Variants in ADAMTSL1 observed in about 807,000 individuals in gnomAD.
The protein encoded by ADAMTSL1 is ADAMTS like 1.
In ADAMTSL1, 126 loss-of-function variants were observed where a neutral mutation model predicts 201.8. The ratio of observed to expected loss-of-function variants is 0.62; its 90% confidence interval spans 0.54 to 0.72. ADAMTSL1 has a LOEUF of 0.72. ADAMTSL1 is among the 30% of genes least tolerant of loss of function. The pLI is 0.00. For missense variants in ADAMTSL1, 2,679 were observed against 2,277.8 expected (o/e 1.18, Z -3.59); for synonymous variants, 1,121 against 903.4 (o/e 1.24, Z -4.32).
intron 2 of ADAMTSL1, among the ~76,000 whole-genome samples, chr9:18,189,059 GC>G (rs1304621278): frequency 6.6e-6 from 1 of 152,150 alleles, no homozygotes; most frequent in African/African-American, 2.4e-5. Context: ...ATGGTAATAG[GC>G]TTGAGTAAAT....
chr9:18,469,162 A>G (rs904399264), upstream of ADAMTSL1, among the ~76,000 whole-genome samples: 4 of 151,962 alleles, frequency 2.6e-5, no homozygotes, highest in African/African-American at 9.7e-5. Context: ...TTCAGTTTCC[A>G]TTTTCCTCTA....
intron 2 of ADAMTSL1, among the ~76,000 whole-genome samples, chr9:18,221,217 C>T (rs897983805): frequency 6.6e-6 from 1 of 152,150 alleles, no homozygotes; most frequent in Non-Finnish European, 1.5e-5. Flanking sequence ...TTGTTTTTAA[C>T]CCCCGCAAAT....
At chr9:18,222,433 T>C (rs145748801) in intron 2 of ADAMTSL1, among the ~76,000 whole-genome samples, 5 of 151,992 alleles carry the variant, frequency 3.3e-5, no homozygotes, top group African/African-American at 1.2e-4. Context: ...GACATACATA[T>C]TTAAATTAAC....
At chr9:18,302,093 G>C (rs899997219) in intron 2 of ADAMTSL1, among the ~76,000 whole-genome samples, 2 of 152,064 alleles carry the variant, frequency 1.3e-5, no homozygotes, top group Non-Finnish European at 2.9e-5. Context: ...ATTAAAGCTT[G>C]TCAAAAGGCC....
chr9:18,297,191 T>G (rs1053740958), intron 2 of ADAMTSL1, among the ~76,000 whole-genome samples: 4 of 152,282 alleles, frequency 2.6e-5, no homozygotes, highest in Non-Finnish European at 5.9e-5. Context: ...GTGCAGTCTG[T>G]GTAATGCTGC....
intron 1 of ADAMTSL1, among the ~76,000 whole-genome samples, chr9:18,087,142 T>C (rs1157360345): frequency 6.6e-6 from 1 of 152,198 alleles, no homozygotes; most frequent in East Asian, 1.9e-4. Context: ...CTTTCATTTT[T>C]CTCATTTATC....
intron 4 of ADAMTSL1, among the ~76,000 whole-genome samples, chr9:18,581,745 A>T (rs1157683768): frequency 6.6e-6 from 1 of 152,216 alleles, no homozygotes; most frequent in Non-Finnish European, 1.5e-5. Context: ...AAAAGGGATC[A>T]TAGGTCCTAA....
chr9:18,553,200 T>A (rs1194523656), intron 3 of ADAMTSL1, among the ~76,000 whole-genome samples: 1 of 148,362 alleles, frequency 6.7e-6, no homozygotes, highest in Non-Finnish European at 1.5e-5. Context: ...TTCTTAGAGC[T>A]AGTCCCAGTC....
intron 1 of ADAMTSL1, among the ~76,000 whole-genome samples, chr9:17,929,697 T>A (rs1382611987): frequency 6.6e-6 from 1 of 152,198 alleles, no homozygotes; most frequent in Non-Finnish European, 1.5e-5. Context: ...TTGAATTAAT[T>A]ACTTTATGTT....
chr9:18,142,021 G>A (rs1826420789), intron 1 of ADAMTSL1, among the ~76,000 whole-genome samples: 1 of 152,192 alleles, frequency 6.6e-6, no homozygotes, highest in Non-Finnish European at 1.5e-5. Flanking sequence ...TATGTAGTAG[G>A]CAAACTCAGT....
chr9:18,884,294 A>G (rs1459635501), intron 23 of ADAMTSL1, among the ~76,000 whole-genome samples: 1 of 152,118 alleles, frequency 6.6e-6, no homozygotes, highest in African/African-American at 2.4e-5. Context: ...AAATTTTAAG[A>G]GTTCTTTTTA....
chr9:18,427,692 C>T (rs905049476), intron 2 of ADAMTSL1, among the ~76,000 whole-genome samples: 1 of 152,212 alleles, frequency 6.6e-6, no homozygotes, highest in Non-Finnish European at 1.5e-5. Context: ...CCAGGACCTG[C>T]CTTGAGGCTT....
At position 18,090,284 on chromosome 9, in the gene ADAMTSL1, T is replaced by C. The variant is rs185050227; in HGVS notation, c.88-73578T>C. ...AAAGAATTGAAAGCAGGGACTCAAA[T>C]AGATATTTATAAATGAATGTTCATA... On this transcript the variant is annotated intron_variant, in intron 1 of 29. Transcript: ENST00000680146. Among the ~76,000 whole-genome samples, 11 of 152,274 alleles carry C rather than the reference T, an allele frequency of 7.2e-5. No individual in the cohort carries two copies. The East Asian group carries it at 2.1e-3, about 29-fold the overall frequency.
chr9:18,405,879 T>C (rs1818170592), intron 2 of ADAMTSL1, among the ~76,000 whole-genome samples: 1 of 152,220 alleles, frequency 6.6e-6, no homozygotes, highest in African/African-American at 2.4e-5. Flanking sequence ...TGGCTCTATT[T>C]CTTTTTTTAA....
intron 1 of ADAMTSL1, among the ~76,000 whole-genome samples, chr9:17,917,303 T>A (rs1826133069): frequency 6.6e-6 from 1 of 152,116 alleles, no homozygotes; most frequent in Non-Finnish European, 1.5e-5. Context: ...ATAGAAGTGG[T>A]ATGAACAGAT....
At chr9:17,956,372 G>T (rs1347794677) in intron 1 of ADAMTSL1, among the ~76,000 whole-genome samples, 1 of 152,128 alleles carries the variant, frequency 6.6e-6, no homozygotes, top group African/African-American at 2.4e-5. Flanking sequence ...TAGTAACAAG[G>T]TATTGAGAGT....
At chr9:18,114,435 T>C (rs1404126828) in intron 1 of ADAMTSL1, among the ~76,000 whole-genome samples, 1 of 152,142 alleles carries the variant, frequency 6.6e-6, no homozygotes, top group East Asian at 1.9e-4. Flanking sequence ...GCTGTAGGTA[T>C]GTATTCTGAT....
chr9:17,947,072 A>T (rs1383802411), intron 1 of ADAMTSL1, among the ~76,000 whole-genome samples: 2 of 152,032 alleles, frequency 1.3e-5, no homozygotes. Context: ...AAAGCATATC[A>T]GCTTTGCCAC....
At chr9:18,903,773 A>G (rs913097726) in intron 26 of ADAMTSL1, among the ~76,000 whole-genome samples, 10 of 152,080 alleles carry the variant, frequency 6.6e-5, no homozygotes, top group African/African-American at 2.2e-4. Flanking sequence ...CAAGTCCTGC[A>G]GTCAATCTCA....
Sources: allele counts gnomAD v4.1 joint callset (sites outside exome capture counted in the v4.1 genomes callset), GRCh38; gene constraint gnomAD v4.1.1; transcripts MANE v1.5; gene names NCBI Gene and HGNC (gene_info 2026-07-23, HGNC 2026-07-21).